The following CHAT variants were observed in gnomAD, a reference collection of about 807,000 sequenced individuals.
CHAT encodes choline O-acetyltransferase.
CHAT carries 61 observed loss-of-function variants against 76.9 expected under a neutral mutation model. The ratio of observed to expected loss-of-function variants is 0.79; its 90% CI spans 0.65 to 0.98. CHAT has a LOEUF of 0.98. CHAT is among the 50% of genes least tolerant of loss of function. The pLI is 0.00. For synonymous variants in CHAT, 407 were observed against 397.4 expected (o/e 1.02, Z -0.29); for missense variants, 946 against 986.9 (o/e 0.96, Z 0.56).
intron 9 of CHAT, 148 bp from the exon 10 acceptor site, chr10:49,649,360 C>T: frequency 9.1e-7 from 1 of 1,094,502 alleles, no homozygotes; most frequent in Non-Finnish European, 1.4e-6. Flanking sequence ...GTTTATTCAT[C>T]TGCACGGTGG....
chr10:49,612,481 C>A (rs534824516), upstream of CHAT: 26 of 807,158 alleles, frequency 3.2e-5, no homozygotes, highest in East Asian at 2.1e-4. Context: ...CTGCCCAAAT[C>A]CCCTCCCTGT....
At position 49,633,748 on chromosome 10, in the gene CHAT, C is replaced by T. The variant is rs996010394; in HGVS notation, c.1111+5963C>T. The stretch of plus-strand genomic sequence containing the variant: ...AAAAGAATGGCCAGCTTGGAGAGCC[C>T]CCCAGCCCTCTGGCTTTCCTGGGTG... On this transcript the variant is annotated intron_variant, in intron 7 of 14. Transcript: ENST00000337653. Among the ~76,000 whole-genome samples, 38 of 152,078 alleles carry T rather than the reference C, an allele frequency of 2.5e-4. 1 individual carries two copies. The highest frequency in any genetic ancestry group is 6.5e-5 in the Admixed American group (1 of 15,280).
At chr10:49,636,886 A>T (rs1248831686) in intron 7 of CHAT, among the ~76,000 whole-genome samples, 2 of 152,208 alleles carry the variant, frequency 1.3e-5, no homozygotes, top group Non-Finnish European at 2.9e-5. Flanking sequence ...GGTAGTTTAT[A>T]CTTTTCAAGG....
At chr10:49,648,758 C>T (rs971399848) in intron 9 of CHAT, 151 bp downstream of exon 9, 42 of 584,772 alleles carry the variant, frequency 7.2e-5, no homozygotes, top group African/African-American at 6.0e-4. Flanking sequence ...CACACACACA[C>T]GATGAATTTG....
At chr10:49,621,656 A>G (rs1480424391) in intron 4 of CHAT, among the ~76,000 whole-genome samples, 1 of 151,976 alleles carries the variant, frequency 6.6e-6, no homozygotes, top group African/African-American at 2.4e-5. Context: ...TTTTCCAAGG[A>G]AGAACTCCAC....
chr10:49,616,711 CCCTG>C, intron 2 of CHAT, 109 bp downstream of exon 2: 1 of 801,754 alleles, frequency 1.2e-6, no homozygotes. Flanking sequence ...CTGGCCCCAG[CCCTG>C]CCCTCTACTG....
intron 6 of CHAT, among the ~76,000 whole-genome samples, chr10:49,626,560 G>T (rs562852944): frequency 6.6e-6 from 1 of 152,068 alleles, no homozygotes; most frequent in Non-Finnish European, 1.5e-5. Flanking sequence ...GGCCATCTAG[G>T]AGCTCTCGCA....
intron 1 of CHAT, among the ~76,000 whole-genome samples, chr10:49,615,159 G>A (rs1331155505): frequency 6.6e-6 from 1 of 152,102 alleles, no homozygotes; most frequent in African/African-American, 2.4e-5. Flanking sequence ...TCCCGAATGG[G>A]GGGGAGGGGG....
chr10:49,653,774 G>T (rs964809939), intron 11 of CHAT, among the ~76,000 whole-genome samples: 8 of 152,246 alleles, frequency 5.3e-5, no homozygotes, highest in Admixed American at 3.9e-4. Flanking sequence ...GAGATAGGCC[G>T]TGAGGTCAGC....
intron 2 of CHAT, among the ~76,000 whole-genome samples, chr10:49,618,958 G>A (rs1332325594): frequency 6.6e-6 from 1 of 152,186 alleles, no homozygotes; most frequent in Non-Finnish European, 1.5e-5. Context: ...GAGGCTTGGA[G>A]AGATTCGGAG....
intron 7 of CHAT, among the ~76,000 whole-genome samples, chr10:49,629,450 G>A (rs749279540): frequency 3.3e-5 from 5 of 152,184 alleles, no homozygotes; most frequent in African/African-American, 9.7e-5. Flanking sequence ...TTAGCATTCC[G>A]CAGTGAGTTA....
At chr10:49,647,003 C>G (rs1839693264) in intron 8 of CHAT, 2 of 428,466 alleles carry the variant, frequency 4.7e-6, no homozygotes, top group East Asian at 9.4e-5. Flanking sequence ...CCCATCACAC[C>G]TGTGAGGTGG....
intron 13 of CHAT, among the ~76,000 whole-genome samples, chr10:49,657,977 T>G (rs1840083328): frequency 6.6e-6 from 1 of 152,134 alleles, no homozygotes; most frequent in African/African-American, 2.4e-5. Context: ...ATATTTTCAG[T>G]GCTTTATTCT....
upstream of CHAT, chr10:49,612,272 C>T (rs950290892): frequency 1.2e-6 from 2 of 1,611,228 alleles, no homozygotes; most frequent in Non-Finnish European, 1.7e-6. Context: ...GACGGCGAGC[C>T]TCGCAGCCCG....
chr10:49,625,823 T>C (rs1838900741), intron 6 of CHAT, among the ~76,000 whole-genome samples, 170 bp downstream of exon 6: 1 of 152,274 alleles, frequency 6.6e-6, no homozygotes, highest in South Asian at 2.1e-4. Context: ...CCCATGTCTC[T>C]CCACCAGTTG....
intron 7 of CHAT, among the ~76,000 whole-genome samples, chr10:49,634,633 C>A (rs768303718): frequency 1.3e-5 from 2 of 152,242 alleles, no homozygotes; most frequent in Non-Finnish European, 2.9e-5. Flanking sequence ...GTCACCATCT[C>A]TCTGGCCCTC....
In CHAT at chr10:49,655,202, T is replaced by C. The variant is rs1252598247; in HGVS notation, c.1742T>C (p.Val581Ala). 6.2e-7 allele frequency: 1 copy of C among 1,614,032 alleles called. No individual in the cohort carries two copies. The highest frequency in any genetic ancestry group is 8.5e-7 in the Non-Finnish European group (1 of 1,180,016). Residue 581 changes from valine (V) to alanine (A), a missense_variant, in exon 12 of 15, where the codon GTG becomes GCG. Physicochemically the swap from Val to Ala is moderately conservative, Grantham distance 64. This residue lies in a region of CHAT where 349 missense variants were observed against 393.9 expected (regional missense o/e 0.89). Coordinates refer to ENST00000337653, the MANE Select transcript of CHAT (RefSeq NM_020549.5). ...GCCACTCCAGAGGCACTGGCTTTTG[T>C]GAGAGCCGTGACTGACCACAAGGCT... ...RSATPEALAF[V>A]RAVTDHKAAV...
At chr10:49,616,317 C>T (rs1337308433) in intron 1 of CHAT, among the ~76,000 whole-genome samples, 185 bp from the exon 2 acceptor site, 2 of 152,152 alleles carry the variant, frequency 1.3e-5, no homozygotes, top group Non-Finnish European at 2.9e-5. Flanking sequence ...AGAGAGAACA[C>T]TGTGGTCAGC....
upstream of CHAT, chr10:49,610,420 GGGGGCTGCTCTGGGCGCGCCCC>G (rs1838258421): frequency 3.3e-6 from 1 of 305,402 alleles, no homozygotes; most frequent in Admixed American, 5.1e-5. Context: ...TTAGCGCGGC[GGGGGCTGCTCTGGGCGCGCCCC>G]GGGCGAAGTG....
Sources: allele counts gnomAD v4.1 joint callset (sites outside exome capture counted in the v4.1 genomes callset), GRCh38; gene constraint gnomAD v4.1.1; regional missense constraint gnomAD v4.1.1; transcripts MANE v1.5; gene names NCBI Gene and HGNC (gene_info 2026-07-23, HGNC 2026-07-21).